BCAS3: variants seen among roughly 807,000 people sequenced by gnomAD.
BCAS3 encodes BCAS3 microtubule associated cell migration factor, also known as BCAS4/BCAS3 fusion.
A neutral mutation model predicts 116.1 loss-of-function variants in BCAS3; 53 were observed. That is an observed-to-expected ratio of 0.46 (90% CI 0.37 to 0.57). The LOEUF is 0.57. Ranked by LOEUF, BCAS3 falls within the 20% of genes least tolerant of loss-of-function variation. The pLI, the probability that BCAS3 is intolerant of heterozygous loss-of-function variation, is 0.00. For missense variants in BCAS3, 917 were observed against 1,165.4 expected, an observed-to-expected ratio of 0.79 and a Z score of 3.10; for synonymous variants, 391 against 408.2, an observed-to-expected ratio of 0.96 and a Z score of 0.51.
chr17:60,790,759 T>TG (rs2046695750), intron 6 of BCAS3, among the ~76,000 whole-genome samples: 1 of 149,412 alleles, frequency 6.7e-6, no homozygotes, highest in African/African-American at 2.5e-5. Context: ...TTTTTTTTTT[T>TG]TTGAGATAGA....
Position 61,151,965 on chromosome 17 carries a change from T to C in BCAS3, c.2425+67401T>C, listed in dbSNP as rs1337304405. ...CAGTACCGGAAGGGCAAGGATTCTC[T>C]GTGTGCCCAGGGAAAGTGGTTTTAT... is the stretch of plus-strand genomic sequence containing the variant. On this transcript the variant is annotated intron_variant, in intron 22 of 23. Transcript: ENST00000407086. The surrounding 1 kb of genome is among the most constrained non-coding windows in gnomAD (Gnocchi z 4.8). Among the ~76,000 whole-genome samples, 1 of 152,172 alleles carries C rather than the reference T, an allele frequency of 6.6e-6. No individual in the cohort carries two copies. Among genetic ancestry groups the C allele is most frequent in the Non-Finnish European group, 1.5e-5 (1 of 68,026 alleles).
At position 61,248,935 on chromosome 17, in the gene BCAS3, A is replaced by G. The variant is rs1449096731; in HGVS notation, c.2426-119392A>G. On this transcript the variant is annotated intron_variant, in intron 22 of 23. Coordinates refer to ENST00000407086, the MANE Select transcript of BCAS3 (RefSeq NM_017679.5). This position sits in a 1 kb window ranked among gnomAD's most constrained non-coding sequence, Gnocchi z 4.3. ...CTCTTAAAGATAAGACGTTGTTTAG[A>G]TGAATATATATTCTTTTCCTGTGTA... Among the ~76,000 whole-genome samples, 3 of 152,208 alleles carry G rather than the reference A, an allele frequency of 2.0e-5. No individual in the cohort carries two copies. The highest frequency in any genetic ancestry group is 7.2e-5 in the African/African-American group (3 of 41,438).
At chr17:61,058,439 A>AT (rs997567576) in intron 19 of BCAS3, among the ~76,000 whole-genome samples, 13 of 152,096 alleles carry the variant, frequency 8.5e-5, no homozygotes, top group Admixed American at 2.0e-4. Flanking sequence ...AGATTTGGGG[A>AT]TTTTTTGAGG....
At chr17:60,849,473 G>C (rs2052861860) in intron 7 of BCAS3, among the ~76,000 whole-genome samples, 1 of 151,678 alleles carries the variant, frequency 6.6e-6, no homozygotes, top group Non-Finnish European at 1.5e-5. Flanking sequence ...GACTTGGTTG[G>C]GTGTTTATTA....
Position 60,995,247 on chromosome 17 carries a change from G to C in BCAS3, c.1486+5012G>C, listed in dbSNP as rs1381788480. On this transcript the variant is annotated intron_variant, in intron 15 of 23. Coordinates refer to ENST00000407086, the MANE Select transcript of BCAS3 (RefSeq NM_017679.5). This position sits in a 1 kb window ranked among gnomAD's most constrained non-coding sequence, Gnocchi z 4.7. ...GGCTTGCTGCAACCTCCACCTCCCG[G>C]GTTCAAGTGATTCTTCTGCTTCAGC... Among the ~76,000 whole-genome samples the C allele has an allele frequency of 6.6e-6, 1 of 152,144 alleles. No individual in the cohort carries two copies. The highest frequency in any genetic ancestry group is 2.4e-5 in the African/African-American group (1 of 41,418).
rs2063477474 is a variant in BCAS3, at chr17:60,990,760, C to T, written c.1486+525C>T. ...CTCCCAGGTTCAAGCAATTCTCCTG[C>T]CTCAGCCTCCCGAGCAGCTGGGATT... On this transcript the variant is annotated intron_variant, in intron 15 of 23. Coordinates refer to ENST00000407086, the MANE Select transcript of BCAS3 (RefSeq NM_017679.5). The surrounding 1 kb of genome is among the most constrained non-coding windows in gnomAD (Gnocchi z 5.1). Among the ~76,000 whole-genome samples the T allele has an allele frequency of 6.6e-6, 1 of 151,986 alleles. No homozygotes were observed. Among genetic ancestry groups the T allele is most frequent in the East Asian group, 1.9e-4 (1 of 5,178 alleles).
At chr17:60,705,216 A>G (rs2036955918) in intron 4 of BCAS3, among the ~76,000 whole-genome samples, 2 of 152,090 alleles carry the variant, frequency 1.3e-5, no homozygotes, top group Admixed American at 1.3e-4. Flanking sequence ...GATAGATACC[A>G]TCAAGAAAGT....
intron 6 of BCAS3, among the ~76,000 whole-genome samples, chr17:60,761,267 G>T (rs1051284893): frequency 2.0e-5 from 3 of 151,896 alleles, no homozygotes; most frequent in African/African-American, 4.8e-5. Flanking sequence ...CAAAGTGCAG[G>T]TTTGTTGCAT....
chr17:60,916,283 C>T (rs991373923), intron 12 of BCAS3, among the ~76,000 whole-genome samples: 11 of 152,174 alleles, frequency 7.2e-5, no homozygotes, highest in African/African-American at 2.4e-4. Context: ...CAGCAGATTT[C>T]CCAACTGAAT....
chr17:61,179,109 C>T (rs1301783268), intron 22 of BCAS3, among the ~76,000 whole-genome samples: 1 of 151,842 alleles, frequency 6.6e-6, no homozygotes, highest in Non-Finnish European at 1.5e-5. Context: ...AATACTCAAT[C>T]CTTAGAAAAC....
intron 22 of BCAS3, among the ~76,000 whole-genome samples, chr17:61,157,858 T>C (rs989486301): frequency 1.3e-5 from 2 of 152,246 alleles, no homozygotes; most frequent in Non-Finnish European, 2.9e-5. Flanking sequence ...TATCTACTTC[T>C]GTTTTAATTT....
chr17:60,945,050 A>G (rs2060412768), intron 13 of BCAS3, among the ~76,000 whole-genome samples: 1 of 152,192 alleles, frequency 6.6e-6, no homozygotes, highest in Non-Finnish European at 1.5e-5. Flanking sequence ...CGTAATTGTC[A>G]TCAAAGAAAA....
intron 22 of BCAS3, among the ~76,000 whole-genome samples, chr17:61,099,685 A>G (rs1001595608): frequency 6.6e-6 from 1 of 152,230 alleles, no homozygotes; most frequent in Non-Finnish European, 1.5e-5. Context: ...TTTTAAGGTT[A>G]TCTTTATAAA....
intron 22 of BCAS3, among the ~76,000 whole-genome samples, chr17:61,114,149 A>G (rs1356199143): frequency 7.4e-6 from 1 of 134,296 alleles, no homozygotes; most frequent in Non-Finnish European, 1.6e-5. Context: ...ATGGGCAAAA[A>G]CTGGAAGCAT....
chr17:61,198,109 G>A lies in BCAS3; in HGVS notation c.2425+113545G>A, dbSNP rs1258168370. 1.3e-5 allele frequency among the ~76,000 whole-genome samples: 2 copies of A among 151,526 alleles called. No individual in the cohort carries two copies. The highest frequency in any genetic ancestry group is 2.4e-5 in the African/African-American group (1 of 41,232). ...ACTTAGTGGATGTTTGCTGATATGC[G>A]ATTAAGATAAAGTGCAAGATATGTT... On this transcript the variant is annotated intron_variant, in intron 22 of 23. Transcript: ENST00000407086. The surrounding 1 kb of genome is among the most constrained non-coding windows in gnomAD (Gnocchi z 5.0).
chr17:60,848,706 A>G (rs967382071), intron 7 of BCAS3, among the ~76,000 whole-genome samples: 7 of 147,232 alleles, frequency 4.8e-5, no homozygotes, highest in African/African-American at 1.7e-4. Flanking sequence ...TTCCTTCTTT[A>G]TTTTTTTTTT....
rs541345622 is a variant in BCAS3, at chr17:60,869,673, T to G, written c.584+990T>G. On this transcript the variant is annotated intron_variant, in intron 8 of 23. Transcript: ENST00000407086. The stretch of plus-strand genomic sequence containing the variant: ...TAGGATGTAGGAAAAATACCCAATA[T>G]ATTATTGCTAGAATAATATGATTGT... Among the ~76,000 whole-genome samples the G allele has an allele frequency of 3.3e-5, 5 of 152,328 alleles. No individual in the cohort carries two copies. The East Asian group carries it at 7.7e-4, about 23-fold the overall frequency.
chr17:61,351,896 C>A (rs1436735687), intron 22 of BCAS3, among the ~76,000 whole-genome samples: 1 of 152,236 alleles, frequency 6.6e-6, no homozygotes, highest in Non-Finnish European at 1.5e-5. Context: ...AGAGCCATCT[C>A]CTACATCAGA....
At chr17:61,109,230 G>C (rs1423306497) in intron 22 of BCAS3, among the ~76,000 whole-genome samples, 3 of 151,178 alleles carry the variant, frequency 2.0e-5, no homozygotes, top group African/African-American at 7.3e-5. Context: ...TTCCATCCAG[G>C]TTGCTGCAAA....
Sources: allele counts gnomAD v4.1 joint callset (sites outside exome capture counted in the v4.1 genomes callset), GRCh38; gene constraint gnomAD v4.1.1; non-coding constraint Gnocchi (gnomAD v3.1); transcripts MANE v1.5; gene names NCBI Gene and HGNC (gene_info 2026-07-23, HGNC 2026-07-21).